BMP6: variants seen among roughly 807,000 people sequenced by gnomAD.
BMP6 encodes the protein VG-1-R.
Under a neutral mutation model 54.1 loss-of-function variants are expected in BMP6, and 17 were observed. The ratio of observed to expected loss-of-function variants is 0.31; its 90% CI spans 0.22 to 0.47. The LOEUF (loss-of-function observed/expected upper bound fraction) is 0.47. Among genes scored for constraint, BMP6 ranks in the 20% least tolerant of loss-of-function variants. The pLI is 1.00. For synonymous variants in BMP6, 328 were observed against 291.2 expected (o/e 1.13, Z -1.28); for missense variants, 720 against 690.4 (o/e 1.04, Z -0.48).
In BMP6 at chr6:7,880,521, T is replaced by G. The variant is rs1225795157; in HGVS notation, c.*178T>G. 38 of 830,036 alleles carry G rather than the reference T, an allele frequency of 4.6e-5. No individual in the cohort carries two copies. Among genetic ancestry groups the G allele is most frequent in the Admixed American group, 5.3e-5 (2 of 37,538 alleles). The allele number at this position is 830,036 out of a possible 1,614,324, so 51.4% of individuals were successfully genotyped here. ...CCTCATTAATAATTTGCTCACTTGG[T>G]AAATGACGTGAGTAGTTGTTGGTCT... On this transcript the variant is annotated 3_prime_UTR_variant, in exon 7 of 7. Transcript: ENST00000283147.
intron 1 of BMP6, among the ~76,000 whole-genome samples, chr6:7,794,019 G>A (rs1758152256): frequency 6.6e-6 from 1 of 152,170 alleles, no homozygotes; most frequent in African/African-American, 2.4e-5. Flanking sequence ...AGGCCTATCT[G>A]GGAGTTCTGT....
At chr6:7,843,968 C>G (rs1198437402) in intron 1 of BMP6, among the ~76,000 whole-genome samples, 1 of 152,186 alleles carries the variant, frequency 6.6e-6, no homozygotes, top group African/African-American at 2.4e-5. Context: ...AATACATATA[C>G]ATTATGACAT....
At chr6:7,786,460 G>GT (rs35750746) in intron 1 of BMP6, among the ~76,000 whole-genome samples, 3,309 of 135,076 alleles carry the variant, frequency 0.024, 63 homozygotes, top group Non-Finnish European at 0.041. Context: ...TCTTTAGTCT[G>GT]TTTTTTTTTT....
chr6:7,848,115 T>C (rs1272824786), intron 2 of BMP6, among the ~76,000 whole-genome samples: 1 of 152,206 alleles, frequency 6.6e-6, no homozygotes, highest in African/African-American at 2.4e-5. Context: ...TAGTGGTCCT[T>C]TCCTTGAATG....
At chr6:7,870,127 C>A (rs66744984) in intron 4 of BMP6, among the ~76,000 whole-genome samples, 7,832 of 152,216 alleles carry the variant, frequency 0.051, 412 homozygotes, top group African/African-American at 0.14. Context: ...GCCCCCAACC[C>A]CTCCCAGGTG....
intron 1 of BMP6, among the ~76,000 whole-genome samples, chr6:7,789,592 T>C (rs9406058): frequency 0.37 from 56,719 of 151,964 alleles, 10,881 homozygotes; most frequent in East Asian, 0.55. Context: ...GAGGGGCAGA[T>C]GGACAGACAG....
intron 1 of BMP6, among the ~76,000 whole-genome samples, chr6:7,836,374 A>T (rs1178591437): frequency 6.6e-6 from 1 of 152,100 alleles, no homozygotes; most frequent in Non-Finnish European, 1.5e-5. Flanking sequence ...CTGGATCTGG[A>T]TTTGGGTGGT....
intron 1 of BMP6, among the ~76,000 whole-genome samples, chr6:7,819,191 G>T (rs979459090): frequency 2.6e-5 from 4 of 152,170 alleles, no homozygotes; most frequent in Non-Finnish European, 5.9e-5. Flanking sequence ...ATCATGTGAG[G>T]CTTTATTGAA....
chr6:7,786,265 C>A (rs1758017970), intron 1 of BMP6, among the ~76,000 whole-genome samples: 1 of 152,164 alleles, frequency 6.6e-6, no homozygotes, highest in African/African-American at 2.4e-5. Context: ...TCTGGGCACA[C>A]CACACCTCTC....
Position 7,727,208 on chromosome 6 carries a change from T to G in BMP6, c.253T>G (p.Ser85Ala). 6.2e-7 allele frequency: 1 copy of G among 1,605,056 alleles called. No individual in the cohort carries two copies. The highest frequency in any genetic ancestry group is 8.5e-7 in the Non-Finnish European group (1 of 1,176,594). ...GCGGGAGATGCAGAAGGAGATCTTGTCGGTGCTGGGGCTCCCGCACCGGCC... is the reference window on the plus strand; with the variant it reads ...GCGGGAGATGCAGAAGGAGATCTTGGCGGTGCTGGGGCTCCCGCACCGGCC... ...EKREMQKEIL[S>A]VLGLPHRPRP... The change falls in exon 1 of 7, where the codon TCG (serine) becomes GCG (alanine). Residue 85 changes from serine (S) to alanine (A), a missense_variant. Ser to Ala is a moderately conservative substitution (Grantham distance 99, BLOSUM62 1). Coordinates refer to ENST00000283147, the MANE Select transcript of BMP6 (RefSeq NM_001718.6).
At chr6:7,766,015 T>C (rs1757681690) in intron 1 of BMP6, among the ~76,000 whole-genome samples, 1 of 152,212 alleles carries the variant, frequency 6.6e-6, no homozygotes, top group Admixed American at 6.5e-5. Context: ...AAATCTTACC[T>C]TAAGCATTCC....
chr6:7,745,994 G>A (rs1757340758), intron 1 of BMP6, among the ~76,000 whole-genome samples: 1 of 152,140 alleles, frequency 6.6e-6, no homozygotes, highest in Non-Finnish European at 1.5e-5. Flanking sequence ...AGAGAATATT[G>A]AGGGAGCACC....
chr6:7,855,461 G>A (rs185924534), intron 2 of BMP6, among the ~76,000 whole-genome samples: 206 of 151,476 alleles, frequency 1.4e-3, no homozygotes, highest in African/African-American at 4.9e-3. Flanking sequence ...TACAACACAT[G>A]AGCCAAACTG....
At chr6:7,839,824 CA>C (rs1758938366) in intron 1 of BMP6, among the ~76,000 whole-genome samples, 1 of 152,156 alleles carries the variant, frequency 6.6e-6, no homozygotes, top group South Asian at 2.1e-4. Flanking sequence ...CATATATATC[CA>C]GAAAGATAAT....
chr6:7,759,385 CT>C (rs1240203128), intron 1 of BMP6, among the ~76,000 whole-genome samples: 1 of 152,218 alleles, frequency 6.6e-6, no homozygotes, highest in East Asian at 1.9e-4. Context: ...TAGAACTCAG[CT>C]TTTTTCCCCT....
intron 1 of BMP6, among the ~76,000 whole-genome samples, chr6:7,801,037 G>A (rs1758262462): frequency 6.6e-6 from 1 of 152,102 alleles, no homozygotes; most frequent in Non-Finnish European, 1.5e-5. Flanking sequence ...TTCTCATCTG[G>A]CCACTTAATT....
chr6:7,778,070 CTG>C (rs1757888269), intron 1 of BMP6, among the ~76,000 whole-genome samples: 1 of 152,136 alleles, frequency 6.6e-6, no homozygotes, highest in African/African-American at 2.4e-5. Flanking sequence ...GAGAGGGAGA[CTG>C]TGCCATTTGG....
At chr6:7,785,014 T>TGTA (rs1256938643) in intron 1 of BMP6, among the ~76,000 whole-genome samples, 1 of 152,202 alleles carries the variant, frequency 6.6e-6, no homozygotes, top group Non-Finnish European at 1.5e-5. Context: ...AACCAAGAAG[T>TGTA]GTAGTCATGG....
At chr6:7,825,979 C>T (rs999839195) in intron 1 of BMP6, among the ~76,000 whole-genome samples, 5 of 152,140 alleles carry the variant, frequency 3.3e-5, no homozygotes, top group African/African-American at 1.2e-4. Context: ...CCACAGTGGC[C>T]AATATTTCCT....
Sources: gnomAD v4.1 joint callset for allele counts (sites outside exome capture counted in the v4.1 genomes callset) on GRCh38, gnomAD v4.1.1 for gene constraint, MANE v1.5 for transcripts, NCBI Gene and HGNC (gene_info 2026-07-23, HGNC 2026-07-21) for gene names.